The following TMEM230 variants were observed in gnomAD, a reference collection of about 807,000 sequenced individuals.
TMEM230 encodes the protein transmembrane protein 230.
A neutral mutation model predicts 15.8 loss-of-function variants in TMEM230; 10 were observed. The observed-to-expected ratio is 0.63, with a 90% CI of 0.39 to 1.07. The LOEUF is 1.07. Among genes scored for constraint, TMEM230 ranks in the 50% least tolerant of loss-of-function variants. The probability of loss-of-function intolerance (pLI) is 0.01; values close to 1 mark genes in which losing one functional copy is unlikely to be tolerated. For synonymous variants in TMEM230, 67 were observed against 76.9 expected, an observed-to-expected ratio of 0.87 and a Z score of 0.68; for missense variants, 165 against 193.3, an observed-to-expected ratio of 0.85 and a Z score of 0.87.
chr20:5,067,568 C>T (rs953918464), downstream of TMEM230, among the ~76,000 whole-genome samples: 26 of 149,834 alleles, frequency 1.7e-4, no homozygotes, highest in Non-Finnish European at 3.1e-4. Context: ...CTCAGCCTCC[C>T]GAGTAGCTGG....
chr20:5,073,108 G>A (rs1193516836), intron 3 of TMEM230, among the ~76,000 whole-genome samples: 3 of 152,138 alleles, frequency 2.0e-5, no homozygotes. Flanking sequence ...TCTCAGTCTT[G>A]TCCCTTGGGA....
chr20:5,071,512 A>C (rs1267192290), intron 3 of TMEM230, among the ~76,000 whole-genome samples: 1 of 151,558 alleles, frequency 6.6e-6, no homozygotes, highest in Non-Finnish European at 1.5e-5. Flanking sequence ...AATCCCAGCT[A>C]CTTGGGAGGC....
chr20:5,106,236 A>G lies in TMEM230; in HGVS notation c.363T>C (p.Phe121=). 6.2e-7 allele frequency: 1 copy of G among 1,614,116 alleles called. No individual in the cohort carries two copies. Among genetic ancestry groups the G allele is most frequent in the South Asian group, 1.1e-5 (1 of 91,080 alleles). ...GCAGGAGGGAGCCTATAATAATGAG[A>G]AAGGCGCCAATCAAAAACAGCACAG... Residue 121 remains phenylalanine (F), a synonymous_variant, in exon 4 of 5, where the codon TTT becomes TTC. Coordinates refer to ENST00000342308, the MANE Select transcript of TMEM230 (RefSeq NM_001009923.2).
At chr20:5,080,937 G>A (rs1379868245) in intron 3 of TMEM230, among the ~76,000 whole-genome samples, 1 of 152,200 alleles carries the variant, frequency 6.6e-6, no homozygotes, top group African/African-American at 2.4e-5. Flanking sequence ...TGAACTGTCT[G>A]TTACTGTCCA....
chr20:5,082,322 C>T (rs1600300627), intron 3 of TMEM230, among the ~76,000 whole-genome samples: 1 of 151,988 alleles, frequency 6.6e-6, no homozygotes, highest in East Asian at 1.9e-4. Context: ...CTCACTGCAA[C>T]CTCTGCCTCC....
At chr20:5,088,937 T>C (rs2089433133) in intron 3 of TMEM230, among the ~76,000 whole-genome samples, 1 of 152,222 alleles carries the variant, frequency 6.6e-6, no homozygotes, top group Non-Finnish European at 1.5e-5. Flanking sequence ...GTATAATAGA[T>C]TTTAAAGGGA....
intron 3 of TMEM230, among the ~76,000 whole-genome samples, chr20:5,108,108 A>G (rs1414209647): frequency 6.6e-6 from 1 of 150,818 alleles, no homozygotes; most frequent in Admixed American, 6.6e-5. Context: ...GCAAGACTAC[A>G]TCTTAAAAAC....
At chr20:5,072,288 G>T (rs939138314) in intron 3 of TMEM230, among the ~76,000 whole-genome samples, 1 of 152,114 alleles carries the variant, frequency 6.6e-6, no homozygotes, top group African/African-American at 2.4e-5. Context: ...CTGGCCTCAA[G>T]CGATCTTCCC....
chr20:5,068,217 C>T (rs931093930), downstream of TMEM230: 1 of 152,198 alleles, frequency 6.6e-6, no homozygotes, highest in Non-Finnish European at 1.5e-5. Context: ...CGTTTTAAGG[C>T]GTTTTCTCCA....
intron 3 of TMEM230, among the ~76,000 whole-genome samples, chr20:5,094,699 C>A: frequency 2.7e-5 from 2 of 73,300 alleles, no homozygotes; most frequent in African/African-American, 5.9e-5. Context: ...AGCTAGACTC[C>A]ATCTCAAAAA....
downstream of TMEM230, chr20:5,098,360 A>G (rs2089728672): frequency 6.6e-6 from 1 of 152,190 alleles, no homozygotes; most frequent in South Asian, 2.1e-4. Flanking sequence ...AGAAATGTTC[A>G]ACATTATTAT....
chr20:5,065,743 T>G (rs2088646145), downstream of TMEM230, among the ~76,000 whole-genome samples: 1 of 152,190 alleles, frequency 6.6e-6, no homozygotes. Context: ...GGAGCTCATA[T>G]GAAGGACAGG....
chr20:5,060,850 T>G, the TMEM230 span, among the ~76,000 whole-genome samples: 1 of 152,182 alleles, frequency 6.6e-6, no homozygotes, highest in East Asian at 1.9e-4. Flanking sequence ...GGTGCACATG[T>G]GCATGAGAAG....
At chr20:5,067,425 A>ATATATATATG (rs1396430611), downstream of TMEM230, 5 of 9,706 alleles carry the variant, frequency 5.2e-4, no homozygotes, top group Non-Finnish European at 9.5e-4. Flanking sequence ...ATATATATAT[A>ATATATATATG]TATATATATA....
downstream of TMEM230, among the ~76,000 whole-genome samples, chr20:5,099,013 CAGCATCAACTTTTTAAAAA>C (rs1425332483): frequency 6.6e-6 from 1 of 151,838 alleles, no homozygotes; most frequent in African/African-American, 2.4e-5. Flanking sequence ...TTTTGACCAG[CAGCATCAACTTTTTAAAAA>C]AGGACCAAAT....
chr20:5,065,399 T>A (rs1272697187), downstream of TMEM230, among the ~76,000 whole-genome samples: 1 of 152,194 alleles, frequency 6.6e-6, no homozygotes, highest in African/African-American at 2.4e-5. Context: ...TCTTAGGGGA[T>A]GGGAACAGAG....
At position 5,109,247 on chromosome 20, in the gene TMEM230, T is replaced by C. The variant is rs144355359; in HGVS notation, c.288+85A>G. On this transcript the variant is annotated intron_variant, in intron 3 of 4. Coordinates refer to ENST00000342308, the MANE Select transcript of TMEM230 (RefSeq NM_001009923.2). Reference sequence around the variant, plus strand: ...GCTCCTTCTAATCCCCAAGGACAGTTAGCAAAATCTCCATCTGGAAGGTCT... The same window carrying C: ...GCTCCTTCTAATCCCCAAGGACAGTCAGCAAAATCTCCATCTGGAAGGTCT... 5.6e-5 allele frequency: 60 copies of C among 1,070,780 alleles called. No homozygotes were observed. In the African/African-American group the frequency reaches 8.2e-4, roughly 15 times the overall value. The allele number at this position is 1,070,780 out of a possible 1,614,324, so 66.3% of individuals were successfully genotyped here.
the TMEM230 span, among the ~76,000 whole-genome samples, chr20:5,062,041 T>C: frequency 6.6e-6 from 1 of 151,308 alleles, no homozygotes; most frequent in African/African-American, 2.4e-5. Flanking sequence ...GCCAACATGG[T>C]GAAACCCCAT....
At chr20:5,096,458 G>T (rs780093210), downstream of TMEM230, among the ~76,000 whole-genome samples, 30 of 152,314 alleles carry the variant, frequency 2.0e-4, no homozygotes, top group Non-Finnish European at 3.5e-4. Flanking sequence ...CCTCAGGATA[G>T]GAACTTAATG....
Sources: gnomAD v4.1 joint callset for allele counts (sites outside exome capture counted in the v4.1 genomes callset) on GRCh38, gnomAD v4.1.1 for gene constraint, MANE v1.5 for transcripts, NCBI Gene and HGNC (gene_info 2026-07-23, HGNC 2026-07-21) for gene names.